HS6ST3: variants seen among roughly 807,000 people sequenced by gnomAD.
HS6ST3 encodes the protein heparan-sulfate 6-O-sulfotransferase 3.
In HS6ST3, 12 loss-of-function variants were observed where a neutral mutation model predicts 36.7. The ratio of observed to expected loss-of-function variants is 0.33; its 90% CI spans 0.21 to 0.53. The LOEUF (loss-of-function observed/expected upper bound fraction) is 0.53, where lower values mean the gene tolerates loss of function less well. Ranked by LOEUF, HS6ST3 falls within the 20% of genes least tolerant of loss-of-function variation. HS6ST3 has a pLI of 0.95. For missense variants in HS6ST3, 584 were observed against 640.9 expected, an observed-to-expected ratio of 0.91 and a Z score of 0.96; for synonymous variants, 240 against 257.5, an observed-to-expected ratio of 0.93 and a Z score of 0.65.
At chr13:96,810,296 T>C (rs1349172498) in intron 1 of HS6ST3, among the ~76,000 whole-genome samples, 2 of 152,134 alleles carry the variant, frequency 1.3e-5, no homozygotes, top group African/African-American at 4.8e-5. Flanking sequence ...TTCTTATCTT[T>C]CCTTCAGAAA....
At position 96,764,638 on chromosome 13, in the gene HS6ST3, T is replaced by C. The variant is rs1877050744; in HGVS notation, c.708-67852T>C. 1.3e-5 allele frequency among the ~76,000 whole-genome samples: 2 copies of C among 152,200 alleles called. 1 individual carries two copies. Among genetic ancestry groups the C allele is most frequent in the South Asian group, 4.1e-4 (2 of 4,828 alleles). On this transcript the variant is annotated intron_variant, in intron 1 of 1. Transcript: ENST00000376705. Reference sequence around the variant, plus strand: ...TGGCCCCTTTTTATTAATCATTGATTGTGCGGAGGAAACCTTTCCTTCACA... The same window carrying C: ...TGGCCCCTTTTTATTAATCATTGATCGTGCGGAGGAAACCTTTCCTTCACA...
At chr13:96,603,713 A>G (rs74107941) in intron 1 of HS6ST3, among the ~76,000 whole-genome samples, 14,749 of 152,236 alleles carry the variant, frequency 0.097, 784 homozygotes, top group Admixed American at 0.17. Flanking sequence ...AATATTTTTA[A>G]TGCAATAATT....
chr13:96,154,630 A>G (rs1037761711), intron 1 of HS6ST3, among the ~76,000 whole-genome samples: 1 of 152,184 alleles, frequency 6.6e-6, no homozygotes, highest in African/African-American at 2.4e-5. Flanking sequence ...AGATGAACAG[A>G]TAAAGATAAT....
chr13:96,148,708 A>T (rs2054069600), intron 1 of HS6ST3, among the ~76,000 whole-genome samples: 1 of 152,204 alleles, frequency 6.6e-6, no homozygotes, highest in Non-Finnish European at 1.5e-5. Context: ...TTCTTAAAGC[A>T]ACAATAGTTA....
intron 1 of HS6ST3, among the ~76,000 whole-genome samples, chr13:96,323,090 A>G (rs1017899560): frequency 1.3e-5 from 2 of 152,128 alleles, no homozygotes; most frequent in East Asian, 3.9e-4. Context: ...TCAGGACTCC[A>G]AATACTACCT....
intron 1 of HS6ST3, among the ~76,000 whole-genome samples, chr13:96,414,079 A>G (rs896610985): frequency 2.2e-4 from 33 of 152,202 alleles, no homozygotes; most frequent in Admixed American, 2.6e-4. Flanking sequence ...TTAAACCTAC[A>G]TGGTGAGTTT....
chr13:96,280,046 C>T (rs575173820), intron 1 of HS6ST3, among the ~76,000 whole-genome samples: 2 of 152,250 alleles, frequency 1.3e-5, no homozygotes, highest in African/African-American at 2.4e-5. Context: ...GGTTTGTCAG[C>T]CCTTTGCCTT....
At chr13:96,493,420 T>G (rs934495412) in intron 1 of HS6ST3, among the ~76,000 whole-genome samples, 2 of 152,170 alleles carry the variant, frequency 1.3e-5, no homozygotes, top group African/African-American at 4.8e-5. Context: ...ATAATGATGA[T>G]CATTTAGGTT....
At chr13:96,675,346 A>G (rs988772651) in intron 1 of HS6ST3, among the ~76,000 whole-genome samples, 1 of 152,144 alleles carries the variant, frequency 6.6e-6, no homozygotes, top group Non-Finnish European at 1.5e-5. Context: ...ATATGTATGC[A>G]TGTATATATG....
At chr13:96,749,557 T>C (rs1442162248) in intron 1 of HS6ST3, among the ~76,000 whole-genome samples, 1 of 152,162 alleles carries the variant, frequency 6.6e-6, no homozygotes, top group Admixed American at 6.6e-5. Flanking sequence ...TATATCAGCA[T>C]TGTAGAATGA....
At chr13:96,829,245 A>G (rs901908951) in intron 1 of HS6ST3, among the ~76,000 whole-genome samples, 1 of 152,142 alleles carries the variant, frequency 6.6e-6, no homozygotes, top group African/African-American at 2.4e-5. Context: ...TCAACCTTTA[A>G]GAAGTGGAAA....
Position 96,524,385 on chromosome 13 carries a change from C to T in HS6ST3, c.708-308105C>T, listed in dbSNP as rs565318169. 4.6e-5 allele frequency among the ~76,000 whole-genome samples: 7 copies of T among 152,332 alleles called. No individual in the cohort carries two copies. The South Asian group carries it at 1.5e-3, about 32-fold the overall frequency. On this transcript the variant is annotated intron_variant, in intron 1 of 1. Transcript: ENST00000376705. ...ACGCTGCACCAGGAGAACTACTGCT[C>T]TCTTTAGAGCTGTCAGGCAGGGATG...
chr13:96,569,015 A>T (rs535013717), intron 1 of HS6ST3, among the ~76,000 whole-genome samples: 6 of 152,324 alleles, frequency 3.9e-5, no homozygotes, highest in Non-Finnish European at 8.8e-5. Context: ...ATTCAGCTAG[A>T]ACTTGGTTAT....
At chr13:96,637,692 C>T (rs1015243440) in intron 1 of HS6ST3, among the ~76,000 whole-genome samples, 5 of 151,990 alleles carry the variant, frequency 3.3e-5, no homozygotes, top group Non-Finnish European at 5.9e-5. Context: ...TTATTAGATG[C>T]TGTATATTCA....
chr13:96,257,896 G>A (rs180759705), intron 1 of HS6ST3, among the ~76,000 whole-genome samples: 2 of 152,292 alleles, frequency 1.3e-5, no homozygotes, highest in Admixed American at 1.3e-4. Flanking sequence ...ATATTTCATT[G>A]GGTATAATGA....
chr13:96,174,638 T>A (rs188828633), intron 1 of HS6ST3, among the ~76,000 whole-genome samples: 2 of 152,308 alleles, frequency 1.3e-5, no homozygotes, highest in East Asian at 3.9e-4. Flanking sequence ...TTGCTCATAT[T>A]ATCAGGATTT....
At chr13:96,726,288 A>T (rs1876005488) in intron 1 of HS6ST3, among the ~76,000 whole-genome samples, 2 of 152,188 alleles carry the variant, frequency 1.3e-5, no homozygotes, top group African/African-American at 4.8e-5. Context: ...TTTTGATTGG[A>T]ATAGTATTAA....
intron 1 of HS6ST3, among the ~76,000 whole-genome samples, chr13:96,794,710 G>C (rs1454333015): frequency 6.6e-6 from 1 of 151,962 alleles, no homozygotes; most frequent in Non-Finnish European, 1.5e-5. Context: ...CATTGTGTCA[G>C]GTTTGGATCA....
At chr13:96,408,592 CAGTT>C (rs1276500514) in intron 1 of HS6ST3, among the ~76,000 whole-genome samples, 1 of 152,058 alleles carries the variant, frequency 6.6e-6, no homozygotes, top group Non-Finnish European at 1.5e-5. Context: ...GGGTGAGTGA[CAGTT>C]AGGCCTACAG....
Sources: allele counts gnomAD v4.1 joint callset (sites outside exome capture counted in the v4.1 genomes callset), GRCh38; gene constraint gnomAD v4.1.1; transcripts MANE v1.5; gene names NCBI Gene and HGNC (gene_info 2026-07-23, HGNC 2026-07-21).